USP34: variants seen among roughly 807,000 people sequenced by gnomAD.
USP34 encodes ubiquitin carboxyl-terminal hydrolase 34.
In USP34, 70 loss-of-function variants were observed where a neutral mutation model predicts 460.3. The observed-to-expected ratio is 0.15, with a 90% CI of 0.13 to 0.19. The LOEUF is 0.19. Among genes scored for constraint, USP34 ranks in the 10% least tolerant of loss-of-function variants. USP34 has a pLI of 1.00. For missense variants in USP34, 3,985 were observed against 4,236.2 expected (o/e 0.94, Z 1.65); for synonymous variants, 1,647 against 1,405.3 (o/e 1.17, Z -3.85).
At chr2:61,276,359 T>C (rs1016738625) in intron 41 of USP34, among the ~76,000 whole-genome samples, 2 of 152,232 alleles carry the variant, frequency 1.3e-5, no homozygotes, top group African/African-American at 4.8e-5. Context: ...GTCAAAGATT[T>C]AAATTATTGC....
At chr2:61,350,496 A>C in intron 11 of USP34, 72 bp downstream of exon 11, 1 of 1,562,572 alleles carries the variant, frequency 6.4e-7, no homozygotes, top group Admixed American at 2.1e-5. Flanking sequence ...ATGAAAGTTA[A>C]ATTATCTGAA....
intron 68 of USP34, among the ~76,000 whole-genome samples, chr2:61,213,737 A>G (rs1201289765): frequency 6.6e-6 from 1 of 152,228 alleles, no homozygotes; most frequent in African/African-American, 2.4e-5. Flanking sequence ...AAAGTACTCA[A>G]TTCCTTAAAA....
intron 23 of USP34, among the ~76,000 whole-genome samples, chr2:61,317,010 G>C (rs768436374): frequency 3.3e-5 from 5 of 152,088 alleles, no homozygotes; most frequent in Non-Finnish European, 7.3e-5. Context: ...TTGTTGCCCA[G>C]GCTGAACCAA....
chr2:61,213,939 T>G (rs965348101), intron 68 of USP34, 121 bp downstream of exon 68: 1 of 1,199,832 alleles, frequency 8.3e-7, no homozygotes, highest in East Asian at 2.5e-5. Flanking sequence ...AAATACACAT[T>G]AAGTTCTTAA....
In USP34 at chr2:61,204,158, T is replaced by C. The variant is rs58496522; in HGVS notation, c.9384+98A>G. 5.4e-6 allele frequency: 8 copies of C among 1,473,976 alleles called. No homozygotes were observed. In the Admixed American group the frequency reaches 8.5e-5, roughly 16 times the overall value. The allele number at this position is 1,473,976 out of a possible 1,614,324, so 91.3% of individuals were successfully genotyped here. The stretch of plus-strand genomic sequence containing the variant: ...TCTAATCTTCTTAGGATCCACAAAA[T>C]TGGTCACTTAAGTCTAACCTATTCA... On this transcript the variant is annotated intron_variant, in intron 74 of 79. Coordinates refer to ENST00000398571, the MANE Select transcript of USP34 (RefSeq NM_014709.4).
chr2:61,375,768 C>CAAAAAAAAAAAAAAAAAAAAAAAAAA (rs56304309), intron 8 of USP34, among the ~76,000 whole-genome samples: 8 of 80,870 alleles, frequency 9.9e-5, no homozygotes, highest in East Asian at 4.1e-4. Context: ...GACTCTGTCT[C>CAAAAAAAAAAAAAAAAAAAAAAAAAA]AAAAAAAAAA....
rs183692103 is a variant in USP34, at chr2:61,223,492, A to C, written c.7596-196T>G. 7.0e-6 allele frequency: 4 copies of C among 573,726 alleles called. No homozygotes were observed. In the African/African-American group the frequency reaches 7.5e-5, roughly 11 times the overall value. The allele number at this position is 573,726 out of a possible 1,614,324, so 35.5% of individuals were successfully genotyped here. ...TCAACATTCCAGGATTGGTAAATGA[A>C]AGCCCAAATGTACTTCATTTTCATT... On this transcript the variant is annotated intron_variant, in intron 62 of 79. Transcript: ENST00000398571.
At chr2:61,440,330 G>A (rs1288879799) in intron 1 of USP34, among the ~76,000 whole-genome samples, 1 of 152,102 alleles carries the variant, frequency 6.6e-6, no homozygotes, top group African/African-American at 2.4e-5. Context: ...TGGAGGATGT[G>A]CCCAGACAGG....
rs763475023 is a variant in USP34, at chr2:61,223,191, A to C, written c.7645-27T>G. ...TGTCAAAAGCAAAAGTTGTTCATTT[A>C]AGAACCGTTATTATTTTTGTGATGA... On this transcript the variant is annotated intron_variant, in intron 63 of 79. Transcript: ENST00000398571. 4 of 1,613,226 alleles carry C rather than the reference A, an allele frequency of 2.5e-6. No homozygotes were observed. In the African/African-American group the frequency reaches 4.0e-5, roughly 16 times the overall value.
intron 46 of USP34, 28 bp downstream of exon 46, chr2:61,257,021 CCAA>C: frequency 6.9e-7 from 1 of 1,459,172 alleles, no homozygotes; most frequent in Non-Finnish European, 9.1e-7. Context: ...ATTAAGATCT[CCAA>C]AAAGTAAAAA....
At chr2:61,299,311 C>T (rs979190329) in intron 29 of USP34, among the ~76,000 whole-genome samples, 1 of 152,124 alleles carries the variant, frequency 6.6e-6, no homozygotes, top group African/African-American at 2.4e-5. Flanking sequence ...TTTTACCTGC[C>T]TCTCAATCTC....
rs370645442 is a variant in USP34 at position 61,243,739 on chromosome 2, C to T, written c.6627+1471G>A. ...CACAAAAATTAGCTGGGCATGGTGG[C>T]GCGTGCCTGTAATCCCAGCTATTCG... is the stretch of plus-strand genomic sequence containing the variant. On this transcript the variant is annotated intron_variant, in intron 51 of 79. Coordinates refer to ENST00000398571, the MANE Select transcript of USP34 (RefSeq NM_014709.4). Among the ~76,000 whole-genome samples the T allele has an allele frequency of 1.3e-4, 19 of 151,642 alleles. No homozygotes were observed. The East Asian group carries it at 1.4e-3, about 11-fold the overall frequency.
intron 29 of USP34, among the ~76,000 whole-genome samples, chr2:61,300,496 A>G (rs1053529118): frequency 5.4e-5 from 8 of 149,104 alleles, no homozygotes; most frequent in Admixed American, 1.3e-4. Flanking sequence ...CAATTTTACT[A>G]CTCTTAAAAG....
intron 1 of USP34, among the ~76,000 whole-genome samples, chr2:61,429,053 C>T (rs534170259): frequency 2.4e-3 from 361 of 152,138 alleles, no homozygotes; most frequent in African/African-American, 7.9e-3. Context: ...AAAAAGGATG[C>T]GCTTTGGGAA....
At chr2:61,369,132 C>T (rs1377328643) in intron 10 of USP34, among the ~76,000 whole-genome samples, 1 of 152,154 alleles carries the variant, frequency 6.6e-6, no homozygotes, top group African/African-American at 2.4e-5. Flanking sequence ...TTTCACCCAT[C>T]AGGTTGGCAA....
chr2:61,352,655 A>C (rs1691974800), intron 10 of USP34, among the ~76,000 whole-genome samples: 1 of 149,248 alleles, frequency 6.7e-6, no homozygotes, highest in African/African-American at 2.5e-5. Flanking sequence ...TGAGAAAAAA[A>C]ATCATAAAAT....
intron 21 of USP34, among the ~76,000 whole-genome samples, chr2:61,319,852 C>CA (rs1482267559): frequency 2.0e-5 from 3 of 151,438 alleles, no homozygotes; most frequent in Non-Finnish European, 4.4e-5. Flanking sequence ...TCAAAAAAAC[C>CA]AAAAAAAATT....
chr2:61,234,584 G>A (rs1010930811), intron 57 of USP34, among the ~76,000 whole-genome samples: 5 of 152,122 alleles, frequency 3.3e-5, no homozygotes, highest in Admixed American at 3.3e-4. Context: ...GAGAGGGATG[G>A]AAGAAATAGG....
At chr2:61,288,899 C>G in intron 33 of USP34, 22 bp from the exon 34 acceptor site, 1 of 1,606,690 alleles carries the variant, frequency 6.2e-7, no homozygotes, top group Non-Finnish European at 8.5e-7. Context: ...AAGAAATAGT[C>G]AATTCCCTAT....
Sources: gnomAD v4.1 joint callset for allele counts (sites outside exome capture counted in the v4.1 genomes callset) on GRCh38, gnomAD v4.1.1 for gene constraint, MANE v1.5 for transcripts, NCBI Gene and HGNC (gene_info 2026-07-23, HGNC 2026-07-21) for gene names.